Variants in NPHP4 observed in about 807,000 individuals in gnomAD.
The protein encoded by NPHP4 is nephrocystin 4, also known as nephrocystin-4.
In NPHP4, 151 loss-of-function variants were observed where a neutral mutation model predicts 155.8. The ratio of observed to expected loss-of-function variants is 0.97; its 90% CI spans 0.85 to 1.11. NPHP4 has a LOEUF of 1.11. Among genes scored for constraint, NPHP4 ranks in the 50% least tolerant of loss-of-function variants. NPHP4 has a pLI of 0.00. For missense variants in NPHP4, 1,956 were observed against 1,925.7 expected (o/e 1.02, Z -0.29); for synonymous variants, 845 against 816.8 (o/e 1.03, Z -0.59).
At chr1:5,913,487 C>G (rs1645296394) in intron 11 of NPHP4, among the ~76,000 whole-genome samples, 1 of 152,238 alleles carries the variant, frequency 6.6e-6, no homozygotes, top group Non-Finnish European at 1.5e-5. Flanking sequence ...AACAAAATCT[C>G]AAATGTCTAC....
intron 5 of NPHP4, among the ~76,000 whole-genome samples, chr1:5,962,609 G>A (rs1650548130): frequency 6.6e-6 from 1 of 152,218 alleles, no homozygotes; most frequent in Admixed American, 6.5e-5. Flanking sequence ...TCCTCAGGGA[G>A]GAGCCACTTT....
At chr1:5,899,307 A>G (rs1296323484) in intron 16 of NPHP4, among the ~76,000 whole-genome samples, 1 of 152,220 alleles carries the variant, frequency 6.6e-6, no homozygotes, top group Non-Finnish European at 1.5e-5. Flanking sequence ...ATCACCCGAC[A>G]CTGGGCTTCT....
Position 5,863,272 on chromosome 1 carries a change from T to C in NPHP4, c.4274A>G (p.Tyr1425Cys), listed in dbSNP as rs1437277362. The stretch of plus-strand genomic sequence containing the variant: ...GACGTCACCCTCAAGCCCTCACTGG[T>C]AGATGACCTTCACGCAAAATGCCTC... ...NEEAFCVKVI[Y>C]Q Residue 1425 changes from tyrosine (Y) to cysteine (C), a missense_variant, in exon 30 of 30, where the codon TAC becomes TGC. By Grantham distance (194) the Tyr-to-Cys change is radical. Transcript: ENST00000378156. 6.2e-7 allele frequency: 1 copy of C among 1,613,928 alleles called. No individual in the cohort carries two copies. Among genetic ancestry groups the C allele is most frequent in the African/African-American group, 1.3e-5 (1 of 74,946 alleles).
intron 18 of NPHP4, among the ~76,000 whole-genome samples, chr1:5,883,981 T>C (rs1643541260): frequency 6.6e-6 from 1 of 152,196 alleles, no homozygotes; most frequent in Admixed American, 6.5e-5. Context: ...CCTGCTGGGC[T>C]TCATGACCGT....
At chr1:5,960,865 T>C (rs1650192038) in intron 6 of NPHP4, among the ~76,000 whole-genome samples, 1 of 152,100 alleles carries the variant, frequency 6.6e-6, no homozygotes, top group South Asian at 2.1e-4. Context: ...CCTTGTCCTT[T>C]AACACGAATT....
intron 1 of NPHP4, among the ~76,000 whole-genome samples, chr1:5,988,149 G>A (rs531386024): frequency 4.6e-5 from 7 of 152,340 alleles, no homozygotes; most frequent in African/African-American, 1.7e-4. Flanking sequence ...CAGACCAAAG[G>A]AGTTTAATGT....
At chr1:5,936,616 A>C (rs1646554642) in intron 9 of NPHP4, among the ~76,000 whole-genome samples, 1 of 152,236 alleles carries the variant, frequency 6.6e-6, no homozygotes, top group Non-Finnish European at 1.5e-5. Context: ...CAAAAGACAA[A>C]ATACACAATA....
At chr1:5,949,371 A>ACACACACACACACACAC (rs1329287886) in intron 7 of NPHP4, among the ~76,000 whole-genome samples, 2 of 18,292 alleles carry the variant, frequency 1.1e-4, no homozygotes, top group East Asian at 1.6e-3. Flanking sequence ...CACACACACA[A>ACACACACACACACACAC]CTTGCTAACT....
chr1:5,904,864 T>C, intron 15 of NPHP4, 60 bp from the exon 16 acceptor site: 6 of 1,530,556 alleles, frequency 3.9e-6, no homozygotes, highest in Non-Finnish European at 5.4e-6. Context: ...CTGAGGGGTC[T>C]AATGTGTGTT....
At chr1:5,981,714 A>G (rs1338173066) in intron 2 of NPHP4, among the ~76,000 whole-genome samples, 1 of 152,224 alleles carries the variant, frequency 6.6e-6, no homozygotes, top group Non-Finnish European at 1.5e-5. Flanking sequence ...TATGAATTCT[A>G]TTTATCTTCT....
At position 5,905,328 on chromosome 1, in the gene NPHP4, C is replaced by T; in HGVS notation, c.1919G>A (p.Ser640Asn). ...PQKEESDCLQ[S>N]NEMVLQFLAF... is the part of the protein sequence containing the mutation. ...AAGAAACTGTAGCACCATCTCGTTG[C>T]TTTGTAGACAATCTGATTCTTCCTT... is the stretch of plus-strand genomic sequence containing the variant. Residue 640 changes from serine (S) to asparagine (N), a missense_variant, in exon 15 of 30, where the codon AGC (serine) becomes AAC (asparagine). Physicochemically the swap from Ser to Asn is conservative, Grantham distance 46. Transcript: ENST00000378156. The surrounding 1 kb of genome is among the most constrained non-coding windows in gnomAD (Gnocchi z 4.0). 8 of 1,613,924 alleles carry T rather than the reference C, an allele frequency of 5.0e-6. No individual in the cohort carries two copies. Among genetic ancestry groups the T allele is most frequent in the Non-Finnish European group, 6.8e-6 (8 of 1,179,806 alleles).
At chr1:5,969,668 CAAG>C (rs1652207630) in intron 3 of NPHP4, among the ~76,000 whole-genome samples, 1 of 152,190 alleles carries the variant, frequency 6.6e-6, no homozygotes, top group East Asian at 1.9e-4. Context: ...TAGATCAGCC[CAAG>C]ACGTAACACA....
Position 5,959,808 on chromosome 1 carries a change from T to G in NPHP4, c.673+1986A>C, listed in dbSNP as rs111815888. Among the ~76,000 whole-genome samples, 583 of 151,594 alleles carry G rather than the reference T, an allele frequency of 3.8e-3. 6 individuals are homozygous for G. Among genetic ancestry groups the G allele is most frequent in the African/African-American group, 0.013 (550 of 41,250 alleles). ...ACAGCTAGTCCTGAAGATCAGTATC[T>G]AACAGGCAACATCTCACAGCTAGTC... On this transcript the variant is annotated intron_variant, in intron 6 of 29. Coordinates refer to ENST00000378156, the MANE Select transcript of NPHP4 (RefSeq NM_015102.5).
chr1:5,891,121 A>G (rs1644103753), intron 16 of NPHP4, 93 bp from the exon 17 acceptor site: 1 of 860,982 alleles, frequency 1.2e-6, no homozygotes. Flanking sequence ...CATGATTACT[A>G]ATTTCTGCTT....
chr1:5,887,360 C>G lies in NPHP4; in HGVS notation c.2411G>C (p.Gly804Ala). Residue 804 changes from glycine to alanine, a missense_variant, in exon 18 of 30, where the codon GGG (glycine) becomes GCG (alanine). Gly to Ala is a moderately conservative substitution (Grantham distance 60). Coordinates refer to ENST00000378156, the MANE Select transcript of NPHP4 (RefSeq NM_015102.5). ...DNMVVSGDMLGFGRVKPIGVH... is the reference protein window; with the variant it reads ...DNMVVSGDMLAFGRVKPIGVH... ...GCCGATGGGCTTGACGCGGCCAAAC[C>G]CCAGCATGTCTCCACTCACCACCAT... The G allele has an allele frequency of 6.2e-7, 1 of 1,613,622 alleles. No homozygotes were observed.
At position 5,944,670 on chromosome 1, in the gene NPHP4, C is replaced by T. The variant is rs536025130; in HGVS notation, c.1119+2434G>A. ...TCCCAGTTACAATCGACCAGCACAT[C>T]GGAAAGTACCAATGACTGGCCGGGC... On this transcript the variant is annotated intron_variant, in intron 9 of 29. Coordinates refer to ENST00000378156, the MANE Select transcript of NPHP4 (RefSeq NM_015102.5). The surrounding 1 kb of genome is among the most constrained non-coding windows in gnomAD (Gnocchi z 4.3). 1.3e-5 allele frequency among the ~76,000 whole-genome samples: 2 copies of T among 152,306 alleles called. No homozygotes were observed. Among genetic ancestry groups the T allele is most frequent in the South Asian group, 4.1e-4 (2 of 4,826 alleles).
Position 5,947,104 on chromosome 1 carries a change from A to G in NPHP4, c.1119T>C (p.Asn373=), listed in dbSNP as rs957523362. ...VFSSPAGVDG[N]AASVTSLSNL... is the part of the protein sequence containing the mutation. ...CCGAGTGCAAAAGGGCTGTTCTTAC[A>G]TTGCCGTCCACTCCTGCAGGGCTGC... The change falls in exon 9 of 30, where the codon AAT becomes AAC. Residue 373 remains asparagine (N), a splice_region_variant and synonymous_variant. Coordinates refer to ENST00000378156, the MANE Select transcript of NPHP4 (RefSeq NM_015102.5). 6.2e-6 allele frequency: 10 copies of G among 1,613,876 alleles called. No homozygotes were observed. Among genetic ancestry groups the G allele is most frequent in the African/African-American group, 2.7e-5 (2 of 74,926 alleles).
intron 26 of NPHP4, 22 bp from the exon 27 acceptor site, chr1:5,865,295 C>G (rs147890186): frequency 1.3e-6 from 2 of 1,515,762 alleles, no homozygotes; most frequent in Non-Finnish European, 1.8e-6. Flanking sequence ...TGGGAGCCAT[C>G]TGCACTTGTC....
intron 7 of NPHP4, among the ~76,000 whole-genome samples, chr1:5,951,723 A>G (rs1245944218): frequency 6.6e-6 from 1 of 152,248 alleles, no homozygotes; most frequent in African/African-American, 2.4e-5. Flanking sequence ...TATCGCCTAG[A>G]AAACATAAGC....
Sources: allele counts gnomAD v4.1 joint callset (sites outside exome capture counted in the v4.1 genomes callset), GRCh38; gene constraint gnomAD v4.1.1; non-coding constraint Gnocchi (gnomAD v3.1); transcripts MANE v1.5; gene names NCBI Gene and HGNC (gene_info 2026-07-23, HGNC 2026-07-21).